The following NRBF2 variants were observed in gnomAD, a reference collection of about 807,000 sequenced individuals.
NRBF2 encodes nuclear receptor binding factor 2.
In NRBF2, 12 loss-of-function variants were observed where a neutral mutation model predicts 28.5. The ratio of observed to expected loss-of-function variants is 0.42; its 90% CI spans 0.27 to 0.68. The LOEUF is 0.68. Among genes scored for constraint, NRBF2 ranks in the 30% least tolerant of loss-of-function variants. The pLI is 0.24. For synonymous variants in NRBF2, 102 were observed against 116.5 expected (o/e 0.88, Z 0.80); for missense variants, 274 against 333.5 (o/e 0.82, Z 1.39).
At chr10:63,145,125 G>C (rs1416228260) in intron 1 of NRBF2, among the ~76,000 whole-genome samples, 1 of 23,852 alleles carries the variant, frequency 4.2e-5, no homozygotes, top group Non-Finnish European at 9.1e-5. Context: ...TTTTTTTTTT[G>C]AGATGGAGTT....
At position 63,153,691 on chromosome 10, in the gene NRBF2, A is replaced by C. The variant is rs2132698701; in HGVS notation, c.337A>C (p.Ser113Arg). ...CTCTGCAGAGGATGCAGAGGGCCAG[A>C]GTCCCCTTTCTCAGAAGTACAGCCC... ...KPSAEDAEGQ[S>R]PLSQKYSPST... The change falls in exon 4 of 4, where the codon AGT (serine) becomes CGT (arginine). Residue 113 changes from serine to arginine, a missense_variant. By Grantham distance (110) the Ser-to-Arg change is moderately radical (BLOSUM62 -1). Transcript: ENST00000277746. 2 of 1,612,186 alleles carry C rather than the reference A, an allele frequency of 1.2e-6. No homozygotes were observed. The highest frequency in any genetic ancestry group is 2.2e-5 in the South Asian group (2 of 90,976).
At chr10:63,145,648 A>G (rs1172528996) in intron 1 of NRBF2, among the ~76,000 whole-genome samples, 1 of 152,244 alleles carries the variant, frequency 6.6e-6, no homozygotes, top group Non-Finnish European at 1.5e-5. Flanking sequence ...CTTTAAAACA[A>G]TCTTTGTAAT....
At chr10:63,147,974 C>A (rs1841590535) in intron 2 of NRBF2, among the ~76,000 whole-genome samples, 1 of 152,118 alleles carries the variant, frequency 6.6e-6, no homozygotes, top group Non-Finnish European at 1.5e-5. Flanking sequence ...AATCTGTAGT[C>A]ACTACAAAGA....
chr10:63,143,787 CTG>C (rs1841514127), intron 1 of NRBF2, among the ~76,000 whole-genome samples: 1 of 139,024 alleles, frequency 7.2e-6, no homozygotes, highest in Admixed American at 7.7e-5. Flanking sequence ...AGATCTCACT[CTG>C]TTGCCCGGAC....
intron 1 of NRBF2, among the ~76,000 whole-genome samples, chr10:63,137,865 G>C (rs747468136): frequency 3.3e-5 from 5 of 152,142 alleles, no homozygotes; most frequent in Non-Finnish European, 5.9e-5. Context: ...GGAAAAAGGA[G>C]GTAGAGAGTA....
intron 1 of NRBF2, 55 bp downstream of exon 1, chr10:63,133,555 C>T (rs1335689188): frequency 3.0e-6 from 4 of 1,353,546 alleles, no homozygotes. Flanking sequence ...CTCAGGAGCC[C>T]GGCCCCGTCC....
intron 1 of NRBF2, among the ~76,000 whole-genome samples, chr10:63,141,391 G>T (rs1407814774): frequency 6.6e-6 from 1 of 152,128 alleles, no homozygotes; most frequent in Non-Finnish European, 1.5e-5. Flanking sequence ...AGCTATGATT[G>T]CACCACTCCA....
At position 63,153,848 on chromosome 10, in the gene NRBF2, A is replaced by G. The variant is rs1404154457; in HGVS notation, c.494A>G (p.Lys165Arg). Residue 165 changes from lysine (K) to arginine (R), a missense_variant, in exon 4 of 4, where the codon AAA becomes AGA. Lys to Arg is a conservative substitution (Grantham distance 26, BLOSUM62 2). Transcript: ENST00000277746. Reference sequence around the variant, plus strand: ...GGAAGCAAAGCCCCAAAAGATGATAAAACAATTATAGAGGAGCAGGCAACC... The same window carrying G: ...GGAAGCAAAGCCCCAAAAGATGATAGAACAATTATAGAGGAGCAGGCAACC... ...CIGSKAPKDD[K>R]TIIEEQATKI... 6.2e-7 allele frequency: 1 copy of G among 1,612,344 alleles called. No homozygotes were observed. The highest frequency in any genetic ancestry group is 1.3e-5 in the African/African-American group (1 of 74,898).
rs550030001 is a variant in NRBF2, at chr10:63,152,048, A to G, written c.116-102A>G. The G allele has an allele frequency of 9.7e-4, 782 of 802,822 alleles. 4 individuals carry two copies. Among genetic ancestry groups the G allele is most frequent in the Non-Finnish European group, 3.3e-4 (157 of 481,542 alleles). The allele number at this position is 802,822 out of a possible 1,614,324, so 49.7% of individuals were successfully genotyped here. A position where few individuals can be genotyped will look rare whatever the true frequency, so the allele number is the denominator to read the frequency against. On this transcript the variant is annotated intron_variant, in intron 2 of 3. Transcript: ENST00000277746. ...TCCCCAATTGTATCAGAGTTATCAG[A>G]CCAGTTCTCTTTGTCATATGAAGAT...
chr10:63,147,153 C>T (rs1841574131), intron 2 of NRBF2, among the ~76,000 whole-genome samples: 1 of 152,108 alleles, frequency 6.6e-6, no homozygotes, highest in African/African-American at 2.4e-5. Flanking sequence ...GTTCCTTTCC[C>T]TCTAGGCCAG....
intron 1 of NRBF2, among the ~76,000 whole-genome samples, chr10:63,143,532 A>G (rs983338148): frequency 4.6e-5 from 7 of 151,166 alleles, no homozygotes; most frequent in Admixed American, 4.6e-4. Flanking sequence ...ATCTCGGCTC[A>G]CTGCAACCTC....
At chr10:63,141,830 T>G (rs1418530311) in intron 1 of NRBF2, among the ~76,000 whole-genome samples, 1 of 152,200 alleles carries the variant, frequency 6.6e-6, no homozygotes, top group Non-Finnish European at 1.5e-5. Flanking sequence ...GAAATGTACT[T>G]AAAATACGAA....
rs1046521 is a variant in NRBF2 at position 63,154,707 on chromosome 10, A to G, written c.*489A>G. On this transcript the variant is annotated 3_prime_UTR_variant, in exon 4 of 4. Coordinates refer to ENST00000277746, the MANE Select transcript of NRBF2 (RefSeq NM_030759.5). Reference sequence around the variant, plus strand: ...CACATTCTGTTTGTTTAAGGTGTGTAAGATACACACCCTTCTAGATGAAAC... The same window carrying G: ...CACATTCTGTTTGTTTAAGGTGTGTGAGATACACACCCTTCTAGATGAAAC... 0.2 allele frequency: 31,152 copies of G among 154,300 alleles called. 4,132 individuals carry two copies. Among genetic ancestry groups the G allele is most frequent in the Non-Finnish European group, 0.29 (20,314 of 69,144 alleles). 9.6% of individuals were successfully genotyped at this position (154,300 alleles called of 1,614,324 possible). A position where few individuals can be genotyped will look rare whatever the true frequency, so the allele number is the denominator to read the frequency against.
chr10:63,133,804 G>T (rs1841328672), intron 1 of NRBF2, among the ~76,000 whole-genome samples: 1 of 152,192 alleles, frequency 6.6e-6, no homozygotes, highest in Non-Finnish European at 1.5e-5. Context: ...AGTCCTCTTA[G>T]CGCCACGTAG....
chr10:63,152,129 G>T (rs1209889037), intron 2 of NRBF2, 21 bp from the exon 3 acceptor site: 1 of 1,597,418 alleles, frequency 6.3e-7, no homozygotes, highest in Non-Finnish European at 8.6e-7. Context: ...ATATTAACAT[G>T]CCTATTTTTT....
In NRBF2 at chr10:63,152,133, AT is replaced by A; in HGVS notation, c.116-11del. ...AATGAAGACACATATTAACATGCCT[AT>A]TTTTTCTCTTAACAGCATATCTTTC... On this transcript the variant is annotated splice_polypyrimidine_tract_variant and intron_variant, in intron 2 of 3. Transcript: ENST00000277746. The A allele has an allele frequency of 6.2e-7, 1 of 1,606,202 alleles. No individual in the cohort carries two copies. Among genetic ancestry groups the A allele is most frequent in the Non-Finnish European group, 8.5e-7 (1 of 1,173,432 alleles).
At chr10:63,149,013 A>G (rs965471246) in intron 2 of NRBF2, among the ~76,000 whole-genome samples, 1 of 152,252 alleles carries the variant, frequency 6.6e-6, no homozygotes, top group Non-Finnish European at 1.5e-5. Context: ...AACTGGTAAC[A>G]TGAAAATGAT....
intron 1 of NRBF2, among the ~76,000 whole-genome samples, chr10:63,142,633 A>T (rs552738245): frequency 6.6e-6 from 1 of 152,266 alleles, no homozygotes; most frequent in East Asian, 1.9e-4. Flanking sequence ...TTCATCATGT[A>T]CATTCTTTTC....
chr10:63,140,992 C>T (rs1249652835), intron 1 of NRBF2, among the ~76,000 whole-genome samples: 1 of 152,192 alleles, frequency 6.6e-6, no homozygotes, highest in East Asian at 1.9e-4. Context: ...AGCCTCCGCT[C>T]CTGGCCTCAG....
Sources: allele counts gnomAD v4.1 joint callset (sites outside exome capture counted in the v4.1 genomes callset), GRCh38; gene constraint gnomAD v4.1.1; transcripts MANE v1.5; gene names NCBI Gene and HGNC (gene_info 2026-07-23, HGNC 2026-07-21).